PCDH11X: variants seen among roughly 807,000 people sequenced by gnomAD.
The protein encoded by PCDH11X is protocadherin-11 X-linked.
Under a neutral mutation model 53.3 loss-of-function variants are expected in PCDH11X, and 18 were observed. That is an observed-to-expected ratio of 0.34 (90% CI 0.23 to 0.50). The LOEUF is 0.50. PCDH11X is among the 20% of genes least tolerant of loss of function. PCDH11X has a pLI of 0.98. For missense variants in PCDH11X, 570 were observed against 1,032.4 expected (o/e 0.55, Z 6.14); for synonymous variants, 279 against 393.3 (o/e 0.71, Z 3.44).
At chrX:91,892,944 G>T (rs1260652904) in intron 6 of PCDH11X, among the ~76,000 whole-genome samples, 2 of 109,758 alleles carry the variant, frequency 1.8e-5, no homozygotes, top group Non-Finnish European at 3.8e-5. Context: ...GAGCCACCAC[G>T]CCCGGCCAAG....
intron 10 of PCDH11X, among the ~76,000 whole-genome samples, chrX:92,496,487 A>T (rs1351158067): frequency 1.9e-5 from 2 of 106,663 alleles, no homozygotes; most frequent in East Asian, 5.8e-4. Flanking sequence ...CTACAGGTGT[A>T]TCATTCCTAG....
intron 5 of PCDH11X, among the ~76,000 whole-genome samples, chrX:91,860,852 G>A (rs1346094806): frequency 8.9e-6 from 1 of 111,778 alleles, no homozygotes; most frequent in Non-Finnish European, 1.9e-5. Context: ...ATTTGCTGCT[G>A]GATTCAGTTT....
intron 8 of PCDH11X, among the ~76,000 whole-genome samples, chrX:92,272,062 G>A (rs1366761144): frequency 9.0e-6 from 1 of 111,652 alleles, no homozygotes; most frequent in Non-Finnish European, 1.9e-5. Flanking sequence ...ATGTAAAAGT[G>A]GATGGAAAAG....
intron 6 of PCDH11X, among the ~76,000 whole-genome samples, chrX:91,938,307 A>T (rs1047664017): frequency 9.3e-6 from 1 of 107,784 alleles, no homozygotes; most frequent in Non-Finnish European, 1.9e-5. Flanking sequence ...AAAGAGAGAG[A>T]GAATATATGA....
chrX:92,280,073 G>C (rs2068212897), intron 8 of PCDH11X, among the ~76,000 whole-genome samples: 1 of 112,150 alleles, frequency 8.9e-6, no homozygotes, highest in Admixed American at 9.5e-5. Flanking sequence ...CTAACATGCT[G>C]TATAGGTTTG....
In PCDH11X at chrX:92,275,320, G is replaced by A. The variant is rs868270243; in HGVS notation, c.3144+12177G>A. Among the ~76,000 whole-genome samples the A allele has an allele frequency of 8.8e-4, 90 of 101,837 alleles. No individual in the cohort carries two copies. The Middle Eastern group carries it at 0.016, about 18-fold the overall frequency. The allele number at this position is 101,837 out of a possible 115,157, so 88.4% of individuals were successfully genotyped here. A position where few individuals can be genotyped will look rare whatever the true frequency, so the allele number is the denominator to read the frequency against. ...GGGATTGAGGTTTGGGAGATTAATT[G>A]GACATGATCAGCAGGGAGAGCACGT... On this transcript the variant is annotated intron_variant, in intron 8 of 10. Transcript: ENST00000682573.
chrX:92,179,068 A>C (rs373261308), intron 6 of PCDH11X, among the ~76,000 whole-genome samples: 4 of 112,053 alleles, frequency 3.6e-5, no homozygotes, highest in African/African-American at 1.3e-4. Context: ...TCTAATTTGT[A>C]GTAACTCTCA....
chrX:92,580,337 A>G (rs1923517627), intron 10 of PCDH11X, among the ~76,000 whole-genome samples: 1 of 105,775 alleles, frequency 9.5e-6, no homozygotes, highest in African/African-American at 3.7e-5. Context: ...GCCAGCAGGC[A>G]GGAAAAACTA....
rs748856844 is a variant in PCDH11X, at chrX:92,044,619, G to GT, written c.3034-156750dup. ...CCCTCATACTTTTTGATTTCATGGG[G>GT]TTTTTTGTTGTTGTTCTTTGCATTT... On this transcript the variant is annotated intron_variant, in intron 6 of 10. Transcript: ENST00000682573. Among the ~76,000 whole-genome samples the GT allele has an allele frequency of 3.1e-3, 283 of 91,340 alleles. 1 individual carries two copies. Among genetic ancestry groups the GT allele is most frequent in the African/African-American group, 0.011 (267 of 24,560 alleles). The allele number at this position is 91,340 out of a possible 115,157, so 79.3% of individuals were successfully genotyped here. A position where few individuals can be genotyped will look rare whatever the true frequency, so the allele number is the denominator to read the frequency against.
In PCDH11X at chrX:92,619,766, C is replaced by G. The variant is rs1928353287; in HGVS notation, c.*826C>G. The G allele has an allele frequency of 9.0e-6, 1 of 110,683 alleles. No individual in the cohort carries two copies. The highest frequency in any genetic ancestry group is 1.9e-5 in the Non-Finnish European group (1 of 52,872). The allele number at this position is 110,683 out of a possible 1,213,427, so 9.1% of individuals were successfully genotyped here. On this transcript the variant is annotated 3_prime_UTR_variant, in exon 11 of 11. Transcript: ENST00000682573. ...ATAAAGCTGTATCTGCCATTTTAAGCCTGTAGTCCATTATTACTTGGGTCT... is the reference window on the plus strand; with the variant it reads ...ATAAAGCTGTATCTGCCATTTTAAGGCTGTAGTCCATTATTACTTGGGTCT...
chrX:91,946,876 T>C (rs56157930), intron 6 of PCDH11X, among the ~76,000 whole-genome samples: 7,586 of 104,849 alleles, frequency 0.072, 279 homozygotes, highest in African/African-American at 0.12. Flanking sequence ...TTAAAAATCC[T>C]GAAGATACAA....
Position 91,856,208 on chromosome X carries a change from AG to A in PCDH11X, c.540+20167del, listed in dbSNP as rs571230410. The stretch of plus-strand genomic sequence containing the variant: ...AGTTTTTTGAGAGTTTTTGTCATGA[AG>A]GGATGTTGAATTTTATAAAATGCTT... On this transcript the variant is annotated intron_variant, in intron 5 of 10. Transcript: ENST00000682573. Among the ~76,000 whole-genome samples, 81 of 91,082 alleles carry A rather than the reference AG, an allele frequency of 8.9e-4. 2 individuals carry two copies. The South Asian group carries it at 0.05, about 56-fold the overall frequency. The allele number at this position is 91,082 out of a possible 115,157, so 79.1% of individuals were successfully genotyped here.
chrX:92,288,638 G>A (rs1376905063), intron 8 of PCDH11X, among the ~76,000 whole-genome samples: 3 of 111,061 alleles, frequency 2.7e-5, no homozygotes, highest in Non-Finnish European at 5.7e-5. Flanking sequence ...CTTTGCACAT[G>A]CCTTGGTATT....
At chrX:92,597,163 C>G (rs1311713511) in intron 10 of PCDH11X, among the ~76,000 whole-genome samples, 3 of 111,258 alleles carry the variant, frequency 2.7e-5, no homozygotes, top group Non-Finnish European at 5.7e-5. Context: ...CAATATAATA[C>G]TGGAATTCCT....
At chrX:92,187,224 A>T (rs1421635927) in intron 6 of PCDH11X, among the ~76,000 whole-genome samples, 3 of 111,323 alleles carry the variant, frequency 2.7e-5, no homozygotes, top group African/African-American at 6.5e-5. Flanking sequence ...TGAATCTGTT[A>T]TCTTGCCTTT....
chrX:91,846,048 G>A (rs1385600600), intron 5 of PCDH11X, among the ~76,000 whole-genome samples: 78 of 110,183 alleles, frequency 7.1e-4, no homozygotes, highest in African/African-American at 2.5e-3. Flanking sequence ...CTACAATCTA[G>A]ACTATAAAGG....
At chrX:91,885,298 T>C (rs1226495028) in intron 6 of PCDH11X, among the ~76,000 whole-genome samples, 1 of 111,867 alleles carries the variant, frequency 8.9e-6, no homozygotes, top group Non-Finnish European at 1.9e-5. Context: ...CCTTTTATTC[T>C]TGATAAATAT....
At chrX:91,914,286 A>T (rs1240133856) in intron 6 of PCDH11X, among the ~76,000 whole-genome samples, 1 of 111,331 alleles carries the variant, frequency 9.0e-6, no homozygotes, top group Non-Finnish European at 1.9e-5. Flanking sequence ...CTCTCCACTG[A>T]AATAGTCTAA....
At chrX:91,961,207 C>A (rs1243892932) in intron 6 of PCDH11X, among the ~76,000 whole-genome samples, 1 of 85,889 alleles carries the variant, frequency 1.2e-5, no homozygotes, top group Admixed American at 1.4e-4. Context: ...ATGAGATACA[C>A]TATATTAACA....
Sources: gnomAD v4.1 joint callset for allele counts (sites outside exome capture counted in the v4.1 genomes callset) on GRCh38, gnomAD v4.1.1 for gene constraint, MANE v1.5 for transcripts, NCBI Gene and HGNC (gene_info 2026-07-23, HGNC 2026-07-21) for gene names.